The following HSDL2 variants were observed in gnomAD, a reference collection of about 807,000 sequenced individuals.
The protein encoded by HSDL2 is hydroxysteroid dehydrogenase-like protein 2.
A neutral mutation model predicts 46.3 loss-of-function variants in HSDL2; 27 were observed. That is an observed-to-expected ratio of 0.58 (90% CI 0.43 to 0.80). The LOEUF is 0.80. HSDL2 is among the 30% of genes least tolerant of loss of function. The pLI is 0.00. For missense variants in HSDL2, 451 were observed against 502.7 expected, an observed-to-expected ratio of 0.90 and a Z score of 0.98; for synonymous variants, 153 against 163.6, an observed-to-expected ratio of 0.94 and a Z score of 0.50.
At chr9:112,466,945 A>G (rs1052129637) in intron 10 of HSDL2, among the ~76,000 whole-genome samples, 3 of 152,178 alleles carry the variant, frequency 2.0e-5, no homozygotes, top group Non-Finnish European at 4.4e-5. Flanking sequence ...CCTGTGTTAA[A>G]TGGTCTTGGC....
rs530322621 is a variant in HSDL2, at chr9:112,429,073, A to G, written c.599-9358A>G. On this transcript the variant is annotated intron_variant, in intron 6 of 10. Transcript: ENST00000398805. Reference sequence around the variant, plus strand: ...GCCACCATGCCCAGCTAATTTTTGTATTTTTAGTAGAGATGGGGTTTCACC... The same window carrying G: ...GCCACCATGCCCAGCTAATTTTTGTGTTTTTAGTAGAGATGGGGTTTCACC... 3.9e-5 allele frequency among the ~76,000 whole-genome samples: 6 copies of G among 152,158 alleles called. No individual in the cohort carries two copies. In the South Asian group the frequency reaches 1.2e-3, roughly 32 times the overall value.
At chr9:112,432,770 G>A (rs1463367470) in intron 6 of HSDL2, among the ~76,000 whole-genome samples, 2 of 152,018 alleles carry the variant, frequency 1.3e-5, no homozygotes, top group African/African-American at 2.4e-5. Flanking sequence ...ACTGGATGTT[G>A]TGTTTTGTTT....
chr9:112,447,233 C>T (rs1832776263), intron 8 of HSDL2, among the ~76,000 whole-genome samples: 1 of 152,152 alleles, frequency 6.6e-6, no homozygotes, highest in South Asian at 2.1e-4. Context: ...CTTTCCCATT[C>T]TGGCTTACAT....
chr9:112,398,396 A>C (rs1831507617), intron 1 of HSDL2, among the ~76,000 whole-genome samples: 1 of 151,936 alleles, frequency 6.6e-6, no homozygotes, highest in African/African-American at 2.4e-5. Flanking sequence ...GGGAAGAGTT[A>C]GTATAGATAT....
intron 6 of HSDL2, among the ~76,000 whole-genome samples, chr9:112,428,686 G>A (rs1317313986): frequency 6.6e-6 from 1 of 152,084 alleles, no homozygotes. Context: ...CTTATTATGG[G>A]TCACAGCCAA....
chr9:112,385,639 A>G (rs1207041337), intron 1 of HSDL2, among the ~76,000 whole-genome samples: 5 of 150,190 alleles, frequency 3.3e-5, no homozygotes, highest in Non-Finnish European at 7.4e-5. Flanking sequence ...GGCACCTGCC[A>G]CCACGCCTGG....
At chr9:112,427,215 C>T (rs543258902) in intron 6 of HSDL2, among the ~76,000 whole-genome samples, 4 of 152,156 alleles carry the variant, frequency 2.6e-5, no homozygotes, top group East Asian at 1.9e-4. Flanking sequence ...CCGCTGTGCC[C>T]GGCTAATTTT....
intron 3 of HSDL2, among the ~76,000 whole-genome samples, chr9:112,408,325 G>A (rs778134823): frequency 2.4e-4 from 37 of 152,248 alleles, no homozygotes; most frequent in Non-Finnish European, 4.7e-4. Context: ...ACAAACCACC[G>A]AAGACTAAGC....
intron 1 of HSDL2, among the ~76,000 whole-genome samples, chr9:112,389,366 G>A (rs1260770425): frequency 1.3e-5 from 2 of 152,080 alleles, no homozygotes; most frequent in South Asian, 2.1e-4. Context: ...ATATAGAGAA[G>A]GAGAAAGGGA....
intron 10 of HSDL2, 95 bp from the exon 11 acceptor site, chr9:112,470,337 C>G: frequency 1.4e-6 from 1 of 689,674 alleles, no homozygotes; most frequent in Non-Finnish European, 2.5e-6. Context: ...GTTTATAGAA[C>G]TCAAGGAGAT....
chr9:112,385,643 C>T lies in HSDL2; in HGVS notation c.17+5463C>T, dbSNP rs374696917. On this transcript the variant is annotated intron_variant, in intron 1 of 10. Transcript: ENST00000398805. The stretch of plus-strand genomic sequence containing the variant: ...CTGAGATTACAGGCACCTGCCACCA[C>T]GCCTGGCCGATTTTTTTTTTTTTGT... 1.4e-3 allele frequency among the ~76,000 whole-genome samples: 212 copies of T among 152,070 alleles called. 7 individuals are homozygous for T. In the South Asian group the frequency reaches 0.041, roughly 29 times the overall value.
At position 112,459,486 on chromosome 9, in the gene HSDL2, C is replaced by A. The variant is rs140144431; in HGVS notation, c.1053C>A (p.Ser351Arg). The change falls in exon 10 of 11, where the codon AGC (serine) becomes AGA (arginine). Residue 351 changes from serine (S) to arginine (R), a missense_variant. Physicochemically the swap from Ser to Arg is moderately radical, Grantham distance 110 (BLOSUM62 -1). Coordinates refer to ENST00000398805, the MANE Select transcript of HSDL2 (RefSeq NM_032303.5). ...GCACGTGGTTTCTTGATCTGAAAAG[C>A]AAGGGTGGGAATGTCGGATATGGAG... ...DGGTWFLDLK[S>R]KGGNVGYGEP... 3.7e-4 allele frequency: 594 copies of A among 1,613,906 alleles called. No individual in the cohort carries two copies. Among genetic ancestry groups the A allele is most frequent in the Non-Finnish European group, 4.2e-4 (490 of 1,179,822 alleles).
At chr9:112,459,983 A>G (rs1202924597) in intron 10 of HSDL2, among the ~76,000 whole-genome samples, 14 of 152,212 alleles carry the variant, frequency 9.2e-5, no homozygotes, top group Non-Finnish European at 1.8e-4. Context: ...CTGTTTCAAT[A>G]GGAAACACAT....
chr9:112,402,651 G>A (rs1011784011), intron 1 of HSDL2, among the ~76,000 whole-genome samples: 14 of 152,048 alleles, frequency 9.2e-5, no homozygotes, highest in Non-Finnish European at 2.1e-4. Context: ...AGCCGGGCGC[G>A]GTGGCTCATG....
intron 1 of HSDL2, among the ~76,000 whole-genome samples, chr9:112,391,828 C>A: frequency 6.6e-6 from 1 of 150,570 alleles, no homozygotes; most frequent in Admixed American, 6.7e-5. Context: ...TCACTTGAAC[C>A]CAGGAGGTGG....
chr9:112,385,881 C>T (rs1030933451), intron 1 of HSDL2, among the ~76,000 whole-genome samples: 1 of 152,134 alleles, frequency 6.6e-6, no homozygotes, highest in African/African-American at 2.4e-5. Flanking sequence ...CCACCTCGGC[C>T]TCCCAAAGAG....
chr9:112,381,182 T>TG (rs1404138512), intron 1 of HSDL2, among the ~76,000 whole-genome samples: 2 of 151,896 alleles, frequency 1.3e-5, no homozygotes, highest in Non-Finnish European at 2.9e-5. Flanking sequence ...TGGTATGTCT[T>TG]GGGACATTCT....
intron 9 of HSDL2, among the ~76,000 whole-genome samples, chr9:112,458,115 C>A (rs1833087081): frequency 7.2e-6 from 1 of 138,616 alleles, no homozygotes; most frequent in South Asian, 2.3e-4. Flanking sequence ...TTTTTTTTTT[C>A]AGTTCCTCAC....
At chr9:112,407,258 G>A (rs1831752475) in intron 3 of HSDL2, among the ~76,000 whole-genome samples, 1 of 152,180 alleles carries the variant, frequency 6.6e-6, no homozygotes, top group African/African-American at 2.4e-5. Flanking sequence ...ACGCTCAAAT[G>A]CAGGATATTT....
Sources: allele counts gnomAD v4.1 joint callset (sites outside exome capture counted in the v4.1 genomes callset), GRCh38; gene constraint gnomAD v4.1.1; transcripts MANE v1.5; gene names NCBI Gene and HGNC (gene_info 2026-07-23, HGNC 2026-07-21).